Variants in EML4 observed in about 807,000 individuals in gnomAD.
The protein encoded by EML4 is echinoderm microtubule-associated protein-like 4.
EML4 carries 72 observed loss-of-function variants against 129.0 expected under a neutral mutation model. That is an observed-to-expected ratio of 0.56 (90% CI 0.46 to 0.68). The LOEUF is 0.68. EML4 is among the 30% of genes least tolerant of loss of function. The probability of loss-of-function intolerance (pLI) is 0.00; values close to 1 mark genes in which losing one functional copy is unlikely to be tolerated. For synonymous variants in EML4, 532 were observed against 405.0 expected, an observed-to-expected ratio of 1.31 and a Z score of -3.77; for missense variants, 1,363 against 1,190.6, an observed-to-expected ratio of 1.14 and a Z score of -2.13.
At chr2:42,208,496 G>A (rs1354396570) in intron 1 of EML4, among the ~76,000 whole-genome samples, 1 of 148,280 alleles carries the variant, frequency 6.7e-6, no homozygotes, top group African/African-American at 2.5e-5. Context: ...GTGCAGTGGT[G>A]CAATCTCGGC....
chr2:42,325,601 T>TA (rs769508162), intron 20 of EML4, 47 bp downstream of exon 20: 9,848 of 126,112 alleles, frequency 0.078, 1,169 homozygotes, highest in East Asian at 0.12. Context: ...TATGATTATA[T>TA]TTATATATAT....
In EML4 at chr2:42,331,958, T is replaced by C. The variant is rs1670125296; in HGVS notation, c.*1751T>C. ...GTTAAAAAACCTCAAAATAGTTCTC[T>C]TCAAAAGAAGAGAGATTCCAAGCAA... On this transcript the variant is annotated 3_prime_UTR_variant, in exon 23 of 23. Coordinates refer to ENST00000318522, the MANE Select transcript of EML4 (RefSeq NM_019063.5). The C allele has an allele frequency of 4.6e-6, 1 of 217,482 alleles. No individual in the cohort carries two copies. 13.5% of individuals were successfully genotyped at this position (217,482 alleles called of 1,614,324 possible). A position where few individuals can be genotyped will look rare whatever the true frequency, so the allele number is the denominator to read the frequency against.
intron 1 of EML4, among the ~76,000 whole-genome samples, chr2:42,200,565 C>G (rs992287667): frequency 3.9e-5 from 6 of 152,182 alleles, no homozygotes; most frequent in Admixed American, 6.5e-5. Context: ...CAAAAGCTCT[C>G]TTTTTGGCTT....
chr2:42,272,711 A>G (rs1224535374), intron 6 of EML4, among the ~76,000 whole-genome samples: 1 of 152,202 alleles, frequency 6.6e-6, no homozygotes, highest in Non-Finnish European at 1.5e-5. Flanking sequence ...GTATAGCAAA[A>G]ATACACGTAA....
At chr2:42,244,334 T>C (rs1020513379) in intron 1 of EML4, among the ~76,000 whole-genome samples, 1 of 152,072 alleles carries the variant, frequency 6.6e-6, no homozygotes, top group African/African-American at 2.4e-5. Context: ...CCTGACCTCA[T>C]GATCTGCCCT....
intron 11 of EML4, among the ~76,000 whole-genome samples, chr2:42,291,944 C>A (rs966483778): frequency 1.3e-5 from 2 of 152,188 alleles, no homozygotes; most frequent in African/African-American, 4.8e-5. Flanking sequence ...TGCAATACCA[C>A]TATGCACCTA....
intron 6 of EML4, among the ~76,000 whole-genome samples, chr2:42,271,133 A>G (rs1016985960): frequency 2.6e-5 from 4 of 152,114 alleles, no homozygotes; most frequent in Non-Finnish European, 5.9e-5. Context: ...GGCTCAAGTG[A>G]TCCGTCTGCT....
intron 7 of EML4, among the ~76,000 whole-genome samples, chr2:42,281,432 C>T (rs1019461523): frequency 6.6e-6 from 1 of 150,948 alleles, no homozygotes; most frequent in Admixed American, 6.6e-5. Flanking sequence ...ATCTCTAATT[C>T]TTTGCTGTTA....
intron 1 of EML4, among the ~76,000 whole-genome samples, chr2:42,171,950 C>G (rs961389234): frequency 1.3e-5 from 2 of 152,072 alleles, no homozygotes; most frequent in Admixed American, 6.6e-5. Flanking sequence ...TGTTTCTGTT[C>G]TCTGCAGTTA....
At chr2:42,248,441 A>G (rs1675552752) in intron 2 of EML4, among the ~76,000 whole-genome samples, 1 of 152,196 alleles carries the variant, frequency 6.6e-6, no homozygotes, top group African/African-American at 2.4e-5. Flanking sequence ...CCTACTTCTC[A>G]ATGTCATGAA....
chr2:42,231,500 ACT>A (rs1375878192), intron 1 of EML4, among the ~76,000 whole-genome samples: 2 of 152,054 alleles, frequency 1.3e-5, no homozygotes, highest in East Asian at 1.9e-4. Flanking sequence ...CATTCCCCAC[ACT>A]GTTTTTTTTC....
chr2:42,265,756 C>G (rs72970099), intron 6 of EML4, among the ~76,000 whole-genome samples: 1 of 152,312 alleles, frequency 6.6e-6, no homozygotes, highest in Non-Finnish European at 1.5e-5. Context: ...GATGCTAAGA[C>G]TGAAAATATG....
intron 1 of EML4, among the ~76,000 whole-genome samples, chr2:42,222,183 A>C (rs201242645): frequency 1.3e-5 from 2 of 152,166 alleles, no homozygotes; most frequent in African/African-American, 4.8e-5. Flanking sequence ...GAGAGGAGAT[A>C]GTTTTTAAAA....
chr2:42,212,992 A>G (rs1672971070), intron 1 of EML4, among the ~76,000 whole-genome samples: 4 of 152,210 alleles, frequency 2.6e-5, no homozygotes, highest in Non-Finnish European at 5.9e-5. Flanking sequence ...ACTTTCCAAA[A>G]TTATATCATT....
intron 1 of EML4, among the ~76,000 whole-genome samples, chr2:42,203,439 T>C (rs1379744911): frequency 1.3e-5 from 2 of 152,214 alleles, no homozygotes; most frequent in African/African-American, 4.8e-5. Flanking sequence ...TTTGTCATTT[T>C]TAAGCAAAGT....
chr2:42,280,744 A>C, intron 6 of EML4, 106 bp from the exon 7 acceptor site: 1 of 813,232 alleles, frequency 1.2e-6, no homozygotes. Context: ...TAAAACTTTG[A>C]AGTAGTCATT....
At chr2:42,172,606 T>A (rs1670346279) in intron 1 of EML4, among the ~76,000 whole-genome samples, 1 of 152,168 alleles carries the variant, frequency 6.6e-6, no homozygotes, top group Admixed American at 6.5e-5. Context: ...TATTAATATA[T>A]CTTTTAATCC....
chr2:42,264,098 T>A (rs1665905751), intron 5 of EML4, among the ~76,000 whole-genome samples: 1 of 134,846 alleles, frequency 7.4e-6, no homozygotes, highest in Admixed American at 8.2e-5. Flanking sequence ...ACTCAAACAA[T>A]ACGTGTTTTT....
intron 2 of EML4, among the ~76,000 whole-genome samples, chr2:42,250,114 T>A (rs996725998): frequency 1.3e-5 from 2 of 152,148 alleles, no homozygotes; most frequent in East Asian, 3.9e-4. Flanking sequence ...AAACTGTTAG[T>A]ACACAATGAT....
Sources: gnomAD v4.1 joint callset for allele counts (sites outside exome capture counted in the v4.1 genomes callset) on GRCh38, gnomAD v4.1.1 for gene constraint, MANE v1.5 for transcripts, NCBI Gene and HGNC (gene_info 2026-07-23, HGNC 2026-07-21) for gene names.